The following NFIB variants were observed in gnomAD, a reference collection of about 807,000 sequenced individuals.
NFIB encodes nuclear factor 1 B-type.
In NFIB, 11 loss-of-function variants were observed where a neutral mutation model predicts 61.5. That is an observed-to-expected ratio of 0.18 (90% confidence interval 0.11 to 0.30). NFIB has a LOEUF of 0.30. Among genes scored for constraint, NFIB ranks in the 10% least tolerant of loss-of-function variants. The pLI is 1.00. For synonymous variants in NFIB, 260 were observed against 216.5 expected, an observed-to-expected ratio of 1.20 and a Z score of -1.76; for missense variants, 471 against 608.9, an observed-to-expected ratio of 0.77 and a Z score of 2.38.
the NFIB span, among the ~76,000 whole-genome samples, chr9:14,406,206 C>T: frequency 6.6e-6 from 1 of 152,178 alleles, no homozygotes; most frequent in Non-Finnish European, 1.5e-5. Context: ...GGACCTATTC[C>T]AGAAACTTTC....
rs566318530 is a variant in NFIB, at chr9:14,095,840, AGGGCAAAAGATCTTACAT to A, written c.1468-7532_1468-7515del. Among the ~76,000 whole-genome samples, 11 of 152,286 alleles carry A rather than the reference AGGGCAAAAGATCTTACAT, an allele frequency of 7.2e-5. No individual in the cohort carries two copies. The East Asian group carries it at 2.1e-3, about 29-fold the overall frequency. On this transcript the variant is annotated intron_variant, in intron 10 of 10. Transcript: ENST00000380953. Reference sequence around the variant, plus strand: ...TATCATGCTTGCTACTCTGTTCACAAGGGCAAAAGATCTTACATGGGCAAAAGATCTTCCTGTGTGTGA... The same window carrying A: ...TATCATGCTTGCTACTCTGTTCACAAGGGCAAAAGATCTTCCTGTGTGTGA...
chr9:14,400,927 G>C (rs1480935652), upstream of NFIB, among the ~76,000 whole-genome samples: 1 of 152,214 alleles, frequency 6.6e-6, no homozygotes, highest in South Asian at 2.1e-4. Context: ...TTCCGAAGTA[G>C]CCAATCAGCG....
chr9:14,126,533 T>G (rs1223521811), intron 6 of NFIB, among the ~76,000 whole-genome samples: 1 of 152,186 alleles, frequency 6.6e-6, no homozygotes, highest in Non-Finnish European at 1.5e-5. Context: ...ATTTTCAAAA[T>G]GTGAATGAGG....
At chr9:14,450,916 C>T in the NFIB span, among the ~76,000 whole-genome samples, 1 of 152,220 alleles carries the variant, frequency 6.6e-6, no homozygotes, top group African/African-American at 2.4e-5. Context: ...GATTTACAGA[C>T]ATTGTCTGTC....
chr9:14,173,381 A>G (rs950635791), intron 3 of NFIB, among the ~76,000 whole-genome samples: 6 of 152,224 alleles, frequency 3.9e-5, no homozygotes, highest in African/African-American at 4.8e-5. Context: ...CAAGACCTGC[A>G]TCGTAACACT....
intron 2 of NFIB, among the ~76,000 whole-genome samples, chr9:14,284,980 G>A (rs1393871002): frequency 6.6e-6 from 1 of 152,156 alleles, no homozygotes; most frequent in Non-Finnish European, 1.5e-5. Flanking sequence ...TCCTACATAA[G>A]CAGCATAGAG....
chr9:14,127,509 A>G lies in NFIB; in HGVS notation c.926-1743T>C, dbSNP rs536064538. On this transcript the variant is annotated intron_variant, in intron 6 of 10. Coordinates refer to ENST00000380953, the MANE Select transcript of NFIB (RefSeq NM_001190737.2). ...TGGTACTTTGAAGCAAATCCCAGAT[A>G]TCATATAACTTTGCTTCTAAGTAGT... Among the ~76,000 whole-genome samples, 37 of 152,318 alleles carry G rather than the reference A, an allele frequency of 2.4e-4. 2 individuals are homozygous for G. In the South Asian group the frequency reaches 7.5e-3, roughly 31 times the overall value.
At chr9:14,271,144 A>C (rs1332965428) in intron 2 of NFIB, among the ~76,000 whole-genome samples, 1 of 151,182 alleles carries the variant, frequency 6.6e-6, no homozygotes, top group Non-Finnish European at 1.5e-5. Flanking sequence ...CTGCAAAGAA[A>C]GCACCAGCGT....
chr9:14,387,242 A>C (rs1403173796), intron 1 of NFIB, among the ~76,000 whole-genome samples: 1 of 152,202 alleles, frequency 6.6e-6, no homozygotes, highest in Admixed American at 6.5e-5. Context: ...AGACCTGTGA[A>C]ATCTTGGGTT....
chr9:14,146,868 A>C, intron 5 of NFIB, 61 bp from the exon 6 acceptor site: 1 of 1,580,120 alleles, frequency 6.3e-7, no homozygotes, highest in Non-Finnish European at 8.6e-7. Context: ...TACATTTTAA[A>C]GTAAATGATC....
the NFIB span, among the ~76,000 whole-genome samples, chr9:14,438,869 G>A: frequency 2.9e-4 from 44 of 152,274 alleles, no homozygotes; most frequent in Middle Eastern, 6.8e-3. Flanking sequence ...GCAACAGGAC[G>A]CCCGAGGAAG....
the NFIB span, among the ~76,000 whole-genome samples, chr9:14,443,599 T>C: frequency 1.2e-4 from 19 of 152,196 alleles, no homozygotes; most frequent in Non-Finnish European, 2.6e-4. Context: ...CCAATTGCAA[T>C]ACATCCTCCT....
chr9:14,405,116 G>C, the NFIB span, among the ~76,000 whole-genome samples: 5 of 152,280 alleles, frequency 3.3e-5, no homozygotes, highest in East Asian at 9.7e-4. Flanking sequence ...GATCCATAAA[G>C]TCCTCCCACT....
chr9:14,204,862 G>A (rs536931357), intron 2 of NFIB: 20 of 411,970 alleles, frequency 4.9e-5, no homozygotes, highest in African/African-American at 4.1e-4. Flanking sequence ...CCTTCATACA[G>A]GTTAACTCAG....
At chr9:14,496,685 T>G in the NFIB span, among the ~76,000 whole-genome samples, 3 of 152,180 alleles carry the variant, frequency 2.0e-5, no homozygotes, top group Non-Finnish European at 4.4e-5. Flanking sequence ...ACACAGTTCC[T>G]ATGGCATTTG....
At chr9:14,205,078 A>C (rs1404844973) in intron 2 of NFIB, 2 of 182,416 alleles carry the variant, frequency 1.1e-5, no homozygotes, top group African/African-American at 4.8e-5. Context: ...ACATAAAAAT[A>C]ATACAAATTT....
chr9:14,414,825 C>T, the NFIB span, among the ~76,000 whole-genome samples: 1 of 152,030 alleles, frequency 6.6e-6, no homozygotes, highest in Non-Finnish European at 1.5e-5. Flanking sequence ...TTTTATTGAG[C>T]CTGACACTTA....
the NFIB span, among the ~76,000 whole-genome samples, chr9:14,462,439 C>T: frequency 4.6e-5 from 7 of 152,020 alleles, no homozygotes; most frequent in African/African-American, 1.4e-4. Flanking sequence ...CCCGCCACCA[C>T]GCCCGGCTAA....
Position 14,302,535 on chromosome 9 carries a change from G to A in NFIB, c.562+4454C>T, listed in dbSNP as rs76224929. Among the ~76,000 whole-genome samples, 1,130 of 152,232 alleles carry A rather than the reference G, an allele frequency of 7.4e-3. 17 individuals are homozygous for A. Among genetic ancestry groups the A allele is most frequent in the African/African-American group, 0.026 (1,092 of 41,528 alleles). On this transcript the variant is annotated intron_variant, in intron 2 of 10. Transcript: ENST00000380953. The stretch of plus-strand genomic sequence containing the variant: ...TTCAGGATAGCAATGAGGTTTCTGG[G>A]CTCTCTTTAACACTCCAAAACATGT...
Sources: allele counts gnomAD v4.1 joint callset (sites outside exome capture counted in the v4.1 genomes callset), GRCh38; gene constraint gnomAD v4.1.1; transcripts MANE v1.5; gene names NCBI Gene and HGNC (gene_info 2026-07-23, HGNC 2026-07-21).